Variants in MAN1A1 observed in about 807,000 individuals in gnomAD.
The protein encoded by MAN1A1 is mannosidase alpha class 1A member 1.
In MAN1A1, 29 loss-of-function variants were observed where a neutral mutation model predicts 70.8. The ratio of observed to expected loss-of-function variants is 0.41; its 90% confidence interval spans 0.31 to 0.56. MAN1A1 has a LOEUF of 0.56. Ranked by LOEUF, MAN1A1 falls within the 20% of genes least tolerant of loss-of-function variation. The pLI is 0.29. For synonymous variants in MAN1A1, 349 were observed against 330.1 expected (o/e 1.06, Z -0.62); for missense variants, 747 against 841.3 (o/e 0.89, Z 1.39).
chr6:119,242,732 G>T (rs1775046273), intron 6 of MAN1A1, among the ~76,000 whole-genome samples: 2 of 152,088 alleles, frequency 1.3e-5, no homozygotes, highest in African/African-American at 4.8e-5. Context: ...GGTCAAGATA[G>T]GCATTATTAT....
At chr6:119,211,414 G>A (rs1006362436) in intron 6 of MAN1A1, among the ~76,000 whole-genome samples, 3 of 152,176 alleles carry the variant, frequency 2.0e-5, no homozygotes, top group African/African-American at 4.8e-5. Context: ...TGTGCATCAC[G>A]CACATGTTTT....
At chr6:119,231,454 C>T (rs934896645) in intron 6 of MAN1A1, among the ~76,000 whole-genome samples, 3 of 152,294 alleles carry the variant, frequency 2.0e-5, no homozygotes, top group Admixed American at 6.5e-5. Context: ...CCCAGCAATG[C>T]GGAACTGTGA....
chr6:119,328,315 T>C (rs1034429864), intron 2 of MAN1A1, among the ~76,000 whole-genome samples: 2 of 152,226 alleles, frequency 1.3e-5, no homozygotes, highest in Non-Finnish European at 2.9e-5. Context: ...TTTCCTAGCA[T>C]GCAAACAGTT....
intron 2 of MAN1A1, among the ~76,000 whole-genome samples, chr6:119,338,667 G>A (rs1773526311): frequency 6.6e-6 from 1 of 152,152 alleles, no homozygotes; most frequent in Non-Finnish European, 1.5e-5. Context: ...AGATCCTTCC[G>A]CAGATCTCCA....
chr6:119,285,466 T>C (rs1452573992), intron 5 of MAN1A1, among the ~76,000 whole-genome samples: 2 of 152,186 alleles, frequency 1.3e-5, no homozygotes, highest in African/African-American at 4.8e-5. Flanking sequence ...ACATCCGAAC[T>C]ATATCGATTA....
chr6:119,213,579 G>A (rs17514051), intron 6 of MAN1A1, among the ~76,000 whole-genome samples: 39,198 of 152,016 alleles, frequency 0.26, 6,117 homozygotes, highest in Non-Finnish European at 0.35. Flanking sequence ...TATAGTCAGC[G>A]TTAAAGGACA....
In MAN1A1 at chr6:119,179,721, C is replaced by T. The variant is rs1470754638; in HGVS notation, c.*98G>A. 4 of 1,123,712 alleles carry T rather than the reference C, an allele frequency of 3.6e-6. No individual in the cohort carries two copies. In the South Asian group the frequency reaches 4.4e-5, roughly 12 times the overall value. The allele number at this position is 1,123,712 out of a possible 1,614,324, so 69.6% of individuals were successfully genotyped here. On this transcript the variant is annotated 3_prime_UTR_variant, in exon 13 of 13. Transcript: ENST00000368468. ...ACAATTTAAGAACTTAATCACAGAC[C>T]TACTAATCAAAGTTCATCATGTGCC...
Position 119,298,905 on chromosome 6 carries a change from A to G in MAN1A1, c.816+3083T>C, listed in dbSNP as rs186897189. ...GCCACTGCGCCTGGCCAACTTTTTA[A>G]ATAATACCCTTACACTGTCAATTAG... On this transcript the variant is annotated intron_variant, in intron 4 of 12. Coordinates refer to ENST00000368468, the MANE Select transcript of MAN1A1 (RefSeq NM_005907.4). 2.6e-5 allele frequency among the ~76,000 whole-genome samples: 4 copies of G among 152,154 alleles called. No homozygotes were observed. In the East Asian group the frequency reaches 7.7e-4, roughly 29 times the overall value.
chr6:119,286,760 G>T (rs969316600), intron 5 of MAN1A1, among the ~76,000 whole-genome samples: 1 of 152,104 alleles, frequency 6.6e-6, no homozygotes, highest in East Asian at 1.9e-4. Context: ...TTTCTTTGAG[G>T]ATTAAAAACT....
At chr6:119,303,337 A>G (rs1286527227) in intron 3 of MAN1A1, among the ~76,000 whole-genome samples, 1 of 152,146 alleles carries the variant, frequency 6.6e-6, no homozygotes, top group Non-Finnish European at 1.5e-5. Flanking sequence ...TAGAACAAAC[A>G]AGTCATGTCT....
intron 8 of MAN1A1, among the ~76,000 whole-genome samples, chr6:119,194,185 C>T (rs541975501): frequency 1.2e-4 from 18 of 152,292 alleles, no homozygotes; most frequent in Admixed American, 2.0e-4. Flanking sequence ...AAACACCCAA[C>T]TAAAATGTTC....
chr6:119,334,514 A>G (rs2114498505), intron 2 of MAN1A1, among the ~76,000 whole-genome samples: 1 of 152,364 alleles, frequency 6.6e-6, no homozygotes, highest in South Asian at 2.1e-4. Context: ...ATAATGTTCC[A>G]ATAAAAGGAA....
intron 6 of MAN1A1, among the ~76,000 whole-genome samples, chr6:119,220,391 G>A (rs981277356): frequency 3.9e-5 from 6 of 152,028 alleles, no homozygotes; most frequent in Non-Finnish European, 5.9e-5. Flanking sequence ...TTACTTTCAC[G>A]TAGTATCCTT....
At position 119,177,772 on chromosome 6, in the gene MAN1A1, A is replaced by G. The variant is rs1171857424; in HGVS notation, c.*2047T>C. On this transcript the variant is annotated 3_prime_UTR_variant, in exon 13 of 13. Transcript: ENST00000368468. ...ATAGTACAGCTTCTTGTCTATTCAC[A>G]CCAGGACACCAAGGTACCTCATAGT... 6.6e-6 allele frequency: 1 copy of G among 152,076 alleles called. No individual in the cohort carries two copies. The highest frequency in any genetic ancestry group is 1.9e-4 in the East Asian group (1 of 5,200). The allele number at this position is 152,076 out of a possible 1,614,324, so 9.4% of individuals were successfully genotyped here.
chr6:119,203,766 A>T (rs1773781667), intron 7 of MAN1A1, among the ~76,000 whole-genome samples: 1 of 152,168 alleles, frequency 6.6e-6, no homozygotes, highest in African/African-American at 2.4e-5. Context: ...CTAGGCGTTA[A>T]GTCCGAGGCA....
At chr6:119,199,757 T>A (rs1452100577) in intron 8 of MAN1A1, among the ~76,000 whole-genome samples, 1 of 150,164 alleles carries the variant, frequency 6.7e-6, no homozygotes, top group Non-Finnish European at 1.5e-5. Context: ...AAAAAAAAAT[T>A]AAAAATTGGC....
intron 2 of MAN1A1, among the ~76,000 whole-genome samples, chr6:119,337,369 G>C (rs1773481375): frequency 6.6e-6 from 1 of 152,142 alleles, no homozygotes; most frequent in Admixed American, 6.5e-5. Flanking sequence ...AGATTACTTA[G>C]CGCGAAATCA....
rs1229588405 is a variant in MAN1A1, at chr6:119,189,952, C to T, written c.1327-69G>A. 1.7e-6 allele frequency: 2 copies of T among 1,186,136 alleles called. No individual in the cohort carries two copies. The highest frequency in any genetic ancestry group is 2.3e-5 in the Admixed American group (1 of 43,206). The allele number at this position is 1,186,136 out of a possible 1,614,324, so 73.5% of individuals were successfully genotyped here. ...AAATTTATACTAAAAATATGCCCAA[C>T]ATTAAAAAAAAAAGAATAGAATACA... On this transcript the variant is annotated intron_variant, in intron 9 of 12. Coordinates refer to ENST00000368468, the MANE Select transcript of MAN1A1 (RefSeq NM_005907.4).
chr6:119,322,825 T>C (rs889723639), intron 2 of MAN1A1, among the ~76,000 whole-genome samples: 1 of 152,318 alleles, frequency 6.6e-6, no homozygotes, highest in East Asian at 1.9e-4. Flanking sequence ...TGGGTAACAA[T>C]CATTTCAAAG....
Sources: gnomAD v4.1 joint callset for allele counts (sites outside exome capture counted in the v4.1 genomes callset) on GRCh38, gnomAD v4.1.1 for gene constraint, MANE v1.5 for transcripts, NCBI Gene and HGNC (gene_info 2026-07-23, HGNC 2026-07-21) for gene names.